The following CHIC1 variants were observed in gnomAD, a reference collection of about 807,000 sequenced individuals.
CHIC1 encodes the protein cysteine-rich hydrophobic domain-containing protein 1.
CHIC1 carries 7 observed loss-of-function variants against 18.5 expected under a neutral mutation model. That is an observed-to-expected ratio of 0.38 (90% CI 0.22 to 0.71). CHIC1 has a LOEUF of 0.71. Among genes scored for constraint, CHIC1 ranks in the 30% least tolerant of loss-of-function variants. CHIC1 has a pLI of 0.49. For synonymous variants in CHIC1, 77 were observed against 73.5 expected, an observed-to-expected ratio of 1.05 and a Z score of -0.25; for missense variants, 159 against 176.9, an observed-to-expected ratio of 0.90 and a Z score of 0.57.
At chrX:73,590,491 A>G (rs759070543) in intron 3 of CHIC1, among the ~76,000 whole-genome samples, 13 of 111,180 alleles carry the variant, frequency 1.2e-4, no homozygotes, top group African/African-American at 3.9e-4. Flanking sequence ...CATGGTTTAC[A>G]TTAGGCTTCA....
At chrX:73,623,831 A>G (rs1380130636) in intron 3 of CHIC1, among the ~76,000 whole-genome samples, 1 of 111,945 alleles carries the variant, frequency 8.9e-6, no homozygotes, top group Non-Finnish European at 1.9e-5. Context: ...TTTTTTGACA[A>G]AATATTTGAT....
intron 3 of CHIC1, among the ~76,000 whole-genome samples, chrX:73,614,470 A>C (rs1252419286): frequency 9.0e-6 from 1 of 110,677 alleles, no homozygotes; most frequent in Non-Finnish European, 1.9e-5. Context: ...TATCCCTTTC[A>C]TTTTCTCTTC....
intron 3 of CHIC1, among the ~76,000 whole-genome samples, chrX:73,634,449 G>A (rs1349851660): frequency 8.9e-6 from 1 of 112,460 alleles, no homozygotes; most frequent in Non-Finnish European, 1.9e-5. Context: ...ACCTGCTATT[G>A]AGATTCGAGT....
At chrX:73,636,048 T>C (rs1026331145) in intron 3 of CHIC1, among the ~76,000 whole-genome samples, 1 of 111,856 alleles carries the variant, frequency 8.9e-6, no homozygotes, top group African/African-American at 3.3e-5. Flanking sequence ...GTTTGGTATA[T>C]ATCTTTTTAT....
chrX:73,568,689 A>G (rs2057456424), intron 1 of CHIC1, among the ~76,000 whole-genome samples: 1 of 111,569 alleles, frequency 9.0e-6, no homozygotes, highest in South Asian at 3.7e-4. Flanking sequence ...TTTACCATTG[A>G]TATTACACCT....
intron 3 of CHIC1, among the ~76,000 whole-genome samples, chrX:73,597,134 A>C (rs2057613526): frequency 8.9e-6 from 1 of 112,091 alleles, no homozygotes; most frequent in African/African-American, 3.2e-5. Flanking sequence ...ATTTATGGAG[A>C]TCCTCATCAA....
At chrX:73,595,234 T>C (rs923501848) in intron 3 of CHIC1, among the ~76,000 whole-genome samples, 1 of 111,044 alleles carries the variant, frequency 9.0e-6, no homozygotes, top group African/African-American at 3.3e-5. Context: ...ATAGGTGTGT[T>C]ACATAGCTAT....
intron 3 of CHIC1, among the ~76,000 whole-genome samples, chrX:73,625,851 T>G (rs2057781045): frequency 9.0e-6 from 1 of 110,894 alleles, no homozygotes; most frequent in Non-Finnish European, 1.9e-5. Context: ...GAAAGTGCTT[T>G]AACCCTCTCT....
intron 3 of CHIC1, among the ~76,000 whole-genome samples, chrX:73,618,302 G>T (rs149689655): frequency 1.2e-4 from 13 of 111,538 alleles, no homozygotes; most frequent in African/African-American, 4.2e-4. Context: ...AGTAGTATAG[G>T]GATGATCAGG....
chrX:73,631,627 C>CAA (rs59451523), intron 3 of CHIC1, among the ~76,000 whole-genome samples: 2 of 96,907 alleles, frequency 2.1e-5, no homozygotes, highest in Admixed American at 1.1e-4. Context: ...GACTCCATCT[C>CAA]AAAAAAAAAA....
intron 3 of CHIC1, among the ~76,000 whole-genome samples, chrX:73,654,267 T>C (rs892544424): frequency 4.4e-5 from 5 of 112,507 alleles, no homozygotes; most frequent in African/African-American, 9.7e-5. Flanking sequence ...TTTTATCAAA[T>C]GCTTTTTCTG....
chrX:73,659,140 A>G (rs2057966513), intron 3 of CHIC1, among the ~76,000 whole-genome samples: 1 of 112,003 alleles, frequency 8.9e-6, no homozygotes, highest in South Asian at 3.7e-4. Context: ...CTGCACACAA[A>G]TGATTAAAGG....
chrX:73,576,467 T>C (rs1435219899), intron 1 of CHIC1, among the ~76,000 whole-genome samples: 1 of 110,361 alleles, frequency 9.1e-6, no homozygotes, highest in African/African-American at 3.3e-5. Context: ...TCAGCTCCAT[T>C]ATAATCTTAT....
intron 3 of CHIC1, among the ~76,000 whole-genome samples, chrX:73,661,513 A>G (rs1461838309): frequency 8.9e-6 from 1 of 111,932 alleles, no homozygotes; most frequent in Non-Finnish European, 1.9e-5. Context: ...GCTTGATCAA[A>G]CAATGATGTC....
chrX:73,635,048 G>A (rs2057825510), intron 3 of CHIC1, among the ~76,000 whole-genome samples: 1 of 110,863 alleles, frequency 9.0e-6, no homozygotes. Flanking sequence ...TAGTGTATCT[G>A]TAGGGGAATG....
chrX:73,596,994 A>G (rs2057612427), intron 3 of CHIC1, among the ~76,000 whole-genome samples: 1 of 112,128 alleles, frequency 8.9e-6, no homozygotes, highest in Non-Finnish European at 1.9e-5. Flanking sequence ...CAAAATACCA[A>G]AAGCAATTGC....
chrX:73,622,604 TCTAA>T (rs2057765323), intron 3 of CHIC1, among the ~76,000 whole-genome samples: 2 of 111,766 alleles, frequency 1.8e-5, no homozygotes, highest in Non-Finnish European at 1.9e-5. Context: ...TGGCTAGCAG[TCTAA>T]CTATTTTGTT....
chrX:73,643,426 T>C (rs1223793808), intron 3 of CHIC1, among the ~76,000 whole-genome samples: 1 of 111,197 alleles, frequency 9.0e-6, no homozygotes, highest in Non-Finnish European at 1.9e-5. Context: ...CCTTGCTAGA[T>C]TGGGGAAGTT....
intron 3 of CHIC1, among the ~76,000 whole-genome samples, chrX:73,655,846 C>G (rs2057946476): frequency 9.1e-6 from 1 of 109,747 alleles, no homozygotes; most frequent in Non-Finnish European, 1.9e-5. Flanking sequence ...ATTGCTGGGT[C>G]AAATAGTATT....
Sources: gnomAD v4.1 joint callset for allele counts (sites outside exome capture counted in the v4.1 genomes callset) on GRCh38, gnomAD v4.1.1 for gene constraint, MANE v1.5 for transcripts, NCBI Gene and HGNC (gene_info 2026-07-23, HGNC 2026-07-21) for gene names.